EXD3: variants seen among roughly 807,000 people sequenced by gnomAD.
EXD3 encodes exonuclease mut-7 homolog.
Under a neutral mutation model 98.0 loss-of-function variants are expected in EXD3, and 92 were observed. The ratio of observed to expected loss-of-function variants is 0.94; its 90% CI spans 0.79 to 1.12. The LOEUF (loss-of-function observed/expected upper bound fraction) is 1.12, where lower values mean the gene tolerates loss of function less well. Among genes scored for constraint, EXD3 ranks in the 50% most tolerant of loss-of-function variants. The pLI is 0.00. For synonymous variants in EXD3, 569 were observed against 526.0 expected (o/e 1.08, Z -1.12); for missense variants, 1,222 against 1,191.6 (o/e 1.03, Z -0.38).
rs535392265 is a variant in EXD3 at position 137,376,650 on chromosome 9, C to A, written c.121-3051G>T. On this transcript the variant is annotated intron_variant, in intron 3 of 21. Transcript: ENST00000340951. ...GACCTTTTAAAAATGCCTCTTTTGG[C>A]CGGGGATGGTGGTTCACGCCTGTAA... is the stretch of plus-strand genomic sequence containing the variant. Among the ~76,000 whole-genome samples, 8 of 152,176 alleles carry A rather than the reference C, an allele frequency of 5.3e-5. No individual in the cohort carries two copies. In the Middle Eastern group the frequency reaches 0.01, roughly 194 times the overall value.
intron 17 of EXD3, chr9:137,345,671 A>AAAAAAAAAAAAAAG (rs1554807528): frequency 1.3e-5 from 2 of 151,148 alleles, no homozygotes; most frequent in African/African-American, 4.9e-5. Flanking sequence ...CAAAAAAAAA[A>AAAAAAAAAAAAAAG]AAAAGGAAAG....
intron 20 of EXD3, among the ~76,000 whole-genome samples, chr9:137,309,370 ATCT>A (rs1371117867): frequency 6.6e-6 from 1 of 152,146 alleles, no homozygotes; most frequent in African/African-American, 2.4e-5. Flanking sequence ...TGGTGTCCTG[ATCT>A]TCTGGTCTGC....
rs571625185 is a variant in EXD3, at chr9:137,349,768, C to G, written c.1495-237G>C. ...AGCTCCGGGGGCCCTGGTCAGCAGT[C>G]CCACGGTAACCCCGCCCAGCCCCTC... On this transcript the variant is annotated intron_variant, in intron 14 of 21. Coordinates refer to ENST00000340951, the MANE Select transcript of EXD3 (RefSeq NM_017820.5). This position sits in a 1 kb window ranked among gnomAD's most constrained non-coding sequence, Gnocchi z 7.4. Among the ~76,000 whole-genome samples the G allele has an allele frequency of 2.0e-3, 305 of 152,204 alleles. 1 individual carries two copies. The highest frequency in any genetic ancestry group is 3.6e-3 in the Non-Finnish European group (244 of 67,986).
chr9:137,422,389 C>T (rs1399645856), intron 1 of EXD3, among the ~76,000 whole-genome samples: 2 of 152,124 alleles, frequency 1.3e-5, no homozygotes, highest in Admixed American at 6.5e-5. Flanking sequence ...AAACCGCAGC[C>T]CCTCACTACC....
chr9:137,346,238 C>CAAAAAAA (rs563761495), intron 17 of EXD3, among the ~76,000 whole-genome samples: 179 of 13,616 alleles, frequency 0.013, 19 homozygotes, highest in African/African-American at 0.021. Context: ...GACTCCGTCT[C>CAAAAAAA]AAAAAAAAAA....
At chr9:137,376,870 G>A (rs1835931467) in intron 3 of EXD3, among the ~76,000 whole-genome samples, 2 of 149,566 alleles carry the variant, frequency 1.3e-5, no homozygotes, top group Non-Finnish European at 1.5e-5. Context: ...CGGAGGTCGC[G>A]GTGAGCCGAG....
At position 137,373,528 on chromosome 9, in the gene EXD3, C is replaced by T. The variant is rs374256897; in HGVS notation, c.192G>A (p.Glu64=). ...DPLAGLLDML[E]SCRGQRGEGP... is the part of the protein sequence containing the mutation. ...CCTCTCCCCGCTGGCCCCGGCAGCT[C>T]TCCAGCATGTCCAGAAGCCCGGCCA... Residue 64 remains glutamate, a synonymous_variant, in exon 4 of 22, where the codon GAG becomes GAA. Coordinates refer to ENST00000340951, the MANE Select transcript of EXD3 (RefSeq NM_017820.5). 1.2e-6 allele frequency: 2 copies of T among 1,604,442 alleles called. No individual in the cohort carries two copies. Among genetic ancestry groups the T allele is most frequent in the Non-Finnish European group, 8.5e-7 (1 of 1,176,662 alleles).
Position 137,407,117 on chromosome 9 carries a change from C to A in EXD3, c.-47-11713G>T, listed in dbSNP as rs1325429338. Among the ~76,000 whole-genome samples, 1 of 152,116 alleles carries A rather than the reference C, an allele frequency of 6.6e-6. No individual in the cohort carries two copies. The highest frequency in any genetic ancestry group is 2.4e-5 in the African/African-American group (1 of 41,438). Reference sequence around the variant, plus strand: ...GGGCGGCCTGCGGAGCAGCCAGTCCCGGGCACCCCACGCCGACCGCCGCGC... The same window carrying A: ...GGGCGGCCTGCGGAGCAGCCAGTCCAGGGCACCCCACGCCGACCGCCGCGC... On this transcript the variant is annotated intron_variant, in intron 1 of 21. Coordinates refer to ENST00000340951, the MANE Select transcript of EXD3 (RefSeq NM_017820.5). The surrounding 1 kb of genome is among the most constrained non-coding windows in gnomAD (Gnocchi z 4.4).
chr9:137,317,148 G>A (rs1446005672), intron 19 of EXD3, among the ~76,000 whole-genome samples: 2 of 152,150 alleles, frequency 1.3e-5, no homozygotes, highest in Non-Finnish European at 2.9e-5. Flanking sequence ...TGAGGCTCAG[G>A]AGAGGCAGCC....
chr9:137,395,262 A>G lies in EXD3; in HGVS notation c.55+41T>C. ...CATGCACACCCACGCACCTCCCCCC[A>G]CAGCCCCAGGGAGACTCGGCACCAT... is the stretch of plus-strand genomic sequence containing the variant. On this transcript the variant is annotated intron_variant, in intron 2 of 21. Coordinates refer to ENST00000340951, the MANE Select transcript of EXD3 (RefSeq NM_017820.5). This position sits in a 1 kb window ranked among gnomAD's most constrained non-coding sequence, Gnocchi z 6.5. The G allele has an allele frequency of 7.3e-7, 1 of 1,364,900 alleles. No homozygotes were observed. The highest frequency in any genetic ancestry group is 1.0e-6 in the Non-Finnish European group (1 of 963,078). The allele number at this position is 1,364,900 out of a possible 1,614,324, so 84.5% of individuals were successfully genotyped here.
intron 19 of EXD3, 46 bp from the exon 20 acceptor site, chr9:137,309,746 G>T: frequency 6.9e-7 from 1 of 1,451,210 alleles, no homozygotes. Flanking sequence ...GCTTCTCCGG[G>T]TGCCCCATAC....
chr9:137,374,978 A>G, intron 3 of EXD3: 1 of 453,588 alleles, frequency 2.2e-6, no homozygotes, highest in Non-Finnish European at 2.9e-6. Flanking sequence ...TTCCAGCTCT[A>G]GTAAGTTGTA....
At chr9:137,406,418 C>T (rs1837717343) in intron 1 of EXD3, among the ~76,000 whole-genome samples, 6 of 152,198 alleles carry the variant, frequency 3.9e-5, no homozygotes, top group Admixed American at 3.9e-4. Context: ...GCAGCCAGGG[C>T]GGGGTGAGCC....
chr9:137,321,570 C>G (rs183328460), intron 19 of EXD3, among the ~76,000 whole-genome samples: 2 of 152,314 alleles, frequency 1.3e-5, no homozygotes, highest in East Asian at 3.9e-4. Flanking sequence ...GTAATCCCAG[C>G]TACTCAGGAG....
At chr9:137,314,986 C>T (rs945274949) in intron 19 of EXD3, among the ~76,000 whole-genome samples, 2 of 152,190 alleles carry the variant, frequency 1.3e-5, no homozygotes, top group African/African-American at 4.8e-5. Context: ...AGCCAGGAAG[C>T]GTGTTACTGC....
At chr9:137,379,645 C>T (rs1419854784) in intron 3 of EXD3, among the ~76,000 whole-genome samples, 1 of 151,966 alleles carries the variant, frequency 6.6e-6, no homozygotes, top group African/African-American at 2.4e-5. Context: ...GCGCTCCAGG[C>T]CATTGAGTCA....
Position 137,393,120 on chromosome 9 carries a change from T to C in EXD3, c.55+2183A>G, listed in dbSNP as rs1389281365. On this transcript the variant is annotated intron_variant, in intron 2 of 21. Transcript: ENST00000340951. This position sits in a 1 kb window ranked among gnomAD's most constrained non-coding sequence, Gnocchi z 4.6. ...GCCGTGTCTGTTCCAGGGAGGGCCA[T>C]TAGTGTTCCAGGGGGCGCCGAGGCT... 4.6e-6 allele frequency: 3 copies of C among 652,368 alleles called. No individual in the cohort carries two copies. Among genetic ancestry groups the C allele is most frequent in the Non-Finnish European group, 2.8e-6 (1 of 356,374 alleles). 40.4% of individuals were successfully genotyped at this position (652,368 alleles called of 1,614,324 possible).
At chr9:137,374,285 G>C (rs979862747) in intron 3 of EXD3, among the ~76,000 whole-genome samples, 2 of 152,228 alleles carry the variant, frequency 1.3e-5, no homozygotes, top group African/African-American at 4.8e-5. Context: ...CAGCGCTCGG[G>C]ACAGGGCGCA....
chr9:137,338,970 C>T (rs1249177482), intron 17 of EXD3, among the ~76,000 whole-genome samples: 3 of 151,286 alleles, frequency 2.0e-5, no homozygotes, highest in African/African-American at 7.3e-5. Flanking sequence ...AAGGAAGCCA[C>T]AATAAAAGAG....
Sources: gnomAD v4.1 joint callset for allele counts (sites outside exome capture counted in the v4.1 genomes callset) on GRCh38, gnomAD v4.1.1 for gene constraint, Gnocchi (gnomAD v3.1) non-coding constraint, MANE v1.5 for transcripts, NCBI Gene and HGNC (gene_info 2026-07-23, HGNC 2026-07-21) for gene names.